Variants in RAB4A observed in about 807,000 individuals in gnomAD.
The protein encoded by RAB4A is RAB4A, member RAS oncogene family.
Under a neutral mutation model 34.5 loss-of-function variants are expected in RAB4A, and 20 were observed. The ratio of observed to expected loss-of-function variants is 0.58; its 90% CI spans 0.41 to 0.84. The LOEUF (loss-of-function observed/expected upper bound fraction) is 0.84. RAB4A is among the 40% of genes least tolerant of loss of function. The probability of loss-of-function intolerance (pLI) is 0.00; values close to 1 mark genes in which losing one functional copy is unlikely to be tolerated. For synonymous variants in RAB4A, 102 were observed against 100.0 expected, an observed-to-expected ratio of 1.02 and a Z score of -0.12; for missense variants, 228 against 274.5, an observed-to-expected ratio of 0.83 and a Z score of 1.20.
At chr1:229,289,072 T>C (rs1452524616) in intron 3 of RAB4A, 2 of 452,282 alleles carry the variant, frequency 4.4e-6, no homozygotes, top group Non-Finnish European at 7.8e-6. Context: ...GCAACTGCAT[T>C]ATAATTCGGA....
rs576131330 is a variant in RAB4A at position 229,278,417 on chromosome 1, C to T, written c.31+7047C>T. Among the ~76,000 whole-genome samples, 4 of 152,174 alleles carry T rather than the reference C, an allele frequency of 2.6e-5. 1 individual carries two copies. The highest frequency in any genetic ancestry group is 9.6e-5 in the African/African-American group (4 of 41,486). ...ATCATTTTTCTTATCCTGGCCACCT[C>T]TCTCTCCACATCAGCTATTTTAAAC... is the stretch of plus-strand genomic sequence containing the variant. On this transcript the variant is annotated intron_variant, in intron 1 of 7. Coordinates refer to ENST00000366690, the MANE Select transcript of RAB4A (RefSeq NM_004578.4).
chr1:229,286,565 ATG>A lies in RAB4A; in HGVS notation c.112+1_112+2del. 6.5e-7 allele frequency: 1 copy of A among 1,549,052 alleles called. No homozygotes were observed. The highest frequency in any genetic ancestry group is 8.8e-7 in the Non-Finnish European group (1 of 1,138,156). Reference sequence around the variant, plus strand: ...TACTTCATCAGTTTATTGAAAAAAAATGTAAGTGTCATGAAATTAGTCATTCT... The same window carrying A: ...TACTTCATCAGTTTATTGAAAAAAAATAAGTGTCATGAAATTAGTCATTCT... On this transcript the variant is annotated splice_donor_variant and coding_sequence_variant, in exon 2 of 8. Transcript: ENST00000366690. LOFTEE classifies it high-confidence loss of function.
intron 1 of RAB4A, among the ~76,000 whole-genome samples, chr1:229,274,521 G>A (rs193202249): frequency 4.3e-4 from 65 of 152,246 alleles, no homozygotes; most frequent in East Asian, 1.9e-4. Context: ...ATGTAATATC[G>A]TGAAACAAAT....
intron 1 of RAB4A, among the ~76,000 whole-genome samples, chr1:229,282,625 A>G (rs1423540164): frequency 6.6e-6 from 1 of 151,680 alleles, no homozygotes; most frequent in Non-Finnish European, 1.5e-5. Flanking sequence ...ATTTATTTCA[A>G]CCTTTTATTC....
chr1:229,271,397 G>GCGGGTC, intron 1 of RAB4A, 27 bp downstream of exon 1: 2 of 1,216,594 alleles, frequency 1.6e-6, no homozygotes, highest in Non-Finnish European at 2.0e-6. Context: ...GGCGGGGCGC[G>GCGGGTC]CGGGTCGGGC....
intron 1 of RAB4A, among the ~76,000 whole-genome samples, chr1:229,280,995 T>C (rs891597665): frequency 1.3e-5 from 2 of 152,232 alleles, no homozygotes; most frequent in African/African-American, 2.4e-5. Context: ...TTTCTTGTTA[T>C]GAGTGTACCA....
intron 6 of RAB4A, among the ~76,000 whole-genome samples, chr1:229,301,548 C>T (rs1657386243): frequency 6.6e-6 from 1 of 151,954 alleles, no homozygotes; most frequent in Non-Finnish European, 1.5e-5. Context: ...ATTTACATGA[C>T]CTTGCTATTT....
chr1:229,274,237 A>G (rs549903988), intron 1 of RAB4A, among the ~76,000 whole-genome samples: 1 of 140,862 alleles, frequency 7.1e-6, no homozygotes, highest in African/African-American at 2.7e-5. Flanking sequence ...TTTTTTTTTA[A>G]TTTTTTTTGT....
chr1:229,290,957 A>G (rs943469397), intron 3 of RAB4A, among the ~76,000 whole-genome samples: 7 of 152,196 alleles, frequency 4.6e-5, no homozygotes, highest in Admixed American at 3.9e-4. Context: ...AATCAAACAT[A>G]GTAAGGAAAA....
intron 6 of RAB4A, among the ~76,000 whole-genome samples, chr1:229,299,560 A>T (rs772796606): frequency 1.3e-5 from 2 of 152,226 alleles, no homozygotes; most frequent in Non-Finnish European, 2.9e-5. Flanking sequence ...TGCCTCAATT[A>T]TAAAATGCCT....
chr1:229,275,614 CTTTTT>C (rs1028884521), intron 1 of RAB4A, among the ~76,000 whole-genome samples: 123 of 131,040 alleles, frequency 9.4e-4, no homozygotes, highest in African/African-American at 3.2e-3. Flanking sequence ...ATTTCTTTTC[CTTTTT>C]TTTTTTTTTT....
At chr1:229,290,682 A>G (rs1657047017) in intron 3 of RAB4A, among the ~76,000 whole-genome samples, 1 of 152,248 alleles carries the variant, frequency 6.6e-6, no homozygotes, top group African/African-American at 2.4e-5. Context: ...AAAACACACT[A>G]AAACCACAGT....
chr1:229,295,202 T>G (rs1165617065), intron 3 of RAB4A, among the ~76,000 whole-genome samples: 1 of 152,020 alleles, frequency 6.6e-6, no homozygotes, highest in Non-Finnish European at 1.5e-5. Context: ...TCCTCCCTCC[T>G]GGGCCTCCTA....
At position 229,284,726 on chromosome 1, in the gene RAB4A, CAG is replaced by C. The variant is rs1042879081; in HGVS notation, c.32-1757_32-1756del. Among the ~76,000 whole-genome samples the C allele has an allele frequency of 6.2e-4, 94 of 152,138 alleles. 1 individual carries two copies. Among genetic ancestry groups the C allele is most frequent in the African/African-American group, 2.0e-3 (85 of 41,512 alleles). On this transcript the variant is annotated intron_variant, in intron 1 of 7. Transcript: ENST00000366690. Reference sequence around the variant, plus strand: ...ATCCTTATTTATTCTTCTCATGGTTCAGAGTTATTTTTTATTTGAACAATCCT... The same window carrying C: ...ATCCTTATTTATTCTTCTCATGGTTCAGTTATTTTTTATTTGAACAATCCT...
intron 7 of RAB4A, 103 bp downstream of exon 7, chr1:229,303,092 C>A: frequency 1.2e-6 from 1 of 804,226 alleles, no homozygotes; most frequent in Non-Finnish European, 2.0e-6. Flanking sequence ...GGATCCCAGC[C>A]GGGTGCAGTG....
At chr1:229,276,984 CTATATATAATATAGATATATATAATA>C in intron 1 of RAB4A, among the ~76,000 whole-genome samples, 1 of 144,406 alleles carries the variant, frequency 6.9e-6, no homozygotes, top group Non-Finnish European at 1.5e-5. Context: ...AACTATATAT[CTATATATAATATAGATATATATAATA>C]TATATAGTTT....
intron 3 of RAB4A, 32 bp from the exon 4 acceptor site, chr1:229,295,816 G>C: frequency 6.2e-7 from 1 of 1,612,066 alleles, no homozygotes; most frequent in East Asian, 2.2e-5. Flanking sequence ...GGTCTCAATT[G>C]GTTGAAAGTA....
chr1:229,294,437 G>A (rs918088253), intron 3 of RAB4A, among the ~76,000 whole-genome samples: 14 of 152,244 alleles, frequency 9.2e-5, no homozygotes, highest in East Asian at 1.9e-4. Flanking sequence ...CTCCAGCTTC[G>A]GTTGCAGAGA....
At chr1:229,280,394 T>G (rs1558235560) in intron 1 of RAB4A, among the ~76,000 whole-genome samples, 2 of 152,226 alleles carry the variant, frequency 1.3e-5, no homozygotes, top group Non-Finnish European at 2.9e-5. Context: ...GTTATCTAAA[T>G]ACATGTATCA....
Sources: allele counts gnomAD v4.1 joint callset (sites outside exome capture counted in the v4.1 genomes callset), GRCh38; gene constraint gnomAD v4.1.1; transcripts MANE v1.5; gene names NCBI Gene and HGNC (gene_info 2026-07-23, HGNC 2026-07-21).